Variants in MAN1B1 observed in about 807,000 individuals in gnomAD.
MAN1B1 encodes the protein endoplasmic reticulum mannosyl-oligosaccharide 1,2-alpha-mannosidase.
MAN1B1 carries 66 observed loss-of-function variants against 75.5 expected under a neutral mutation model. The ratio of observed to expected loss-of-function variants is 0.87; its 90% CI spans 0.72 to 1.07. MAN1B1 has a LOEUF of 1.07. Among genes scored for constraint, MAN1B1 ranks in the 50% least tolerant of loss-of-function variants. The pLI is 0.00. For missense variants in MAN1B1, 973 were observed against 912.5 expected, an observed-to-expected ratio of 1.07 and a Z score of -0.85; for synonymous variants, 453 against 382.8, an observed-to-expected ratio of 1.18 and a Z score of -2.14.
chr9:137,106,731 G>C lies in MAN1B1; in HGVS notation c.1488G>C (p.Thr496=), dbSNP rs761542723. 3 of 1,613,370 alleles carry C rather than the reference G, an allele frequency of 1.9e-6. No individual in the cohort carries two copies. The highest frequency in any genetic ancestry group is 2.5e-6 in the Non-Finnish European group (3 of 1,180,014). Reference sequence around the variant, plus strand: ...TGGAAGCCATCGAGGGTGTCAGAACGCACCTGCTGCGGCACTCCGAGCCCA... The same window carrying C: ...TGGAAGCCATCGAGGGTGTCAGAACCCACCTGCTGCGGCACTCCGAGCCCA... The part of the protein sequence containing the change: ...DYVEAIEGVR[T]HLLRHSEPSK... The change falls in exon 10 of 13, where the codon ACG becomes ACC. Residue 496 remains threonine (T), a synonymous_variant. Coordinates refer to ENST00000371589, the MANE Select transcript of MAN1B1 (RefSeq NM_016219.5).
At chr9:137,103,087 G>A (rs1299468387) in intron 8 of MAN1B1, 4 of 450,140 alleles carry the variant, frequency 8.9e-6, no homozygotes, top group Admixed American at 2.4e-5. Flanking sequence ...ACACTTGCAG[G>A]CGTGCAGGTC....
chr9:137,089,252 C>T, intron 3 of MAN1B1: 7 of 540,692 alleles, frequency 1.3e-5, no homozygotes, highest in Non-Finnish European at 2.3e-5. Flanking sequence ...TAAGACAGAC[C>T]TGTTTCCTCT....
intron 12 of MAN1B1, 114 bp from the exon 13 acceptor site, chr9:137,108,274 C>G (rs1831188701): frequency 1.0e-6 from 1 of 974,118 alleles, no homozygotes; most frequent in Non-Finnish European, 1.6e-6. Context: ...GCCCTCCACC[C>G]TGAGCTTGCG....
intron 8 of MAN1B1, chr9:137,105,885 G>C: frequency 1.5e-6 from 1 of 668,324 alleles, no homozygotes; most frequent in Non-Finnish European, 2.8e-6. Flanking sequence ...TCAGCTCTGT[G>C]GTGACCACCC....
intron 2 of MAN1B1, chr9:137,088,556 C>A: frequency 3.3e-6 from 3 of 904,982 alleles, no homozygotes; most frequent in Admixed American, 2.0e-5. Context: ...TCTCTTCTCA[C>A]TTGGTCTAAG....
At chr9:137,090,844 T>A (rs1830496144) in intron 3 of MAN1B1, among the ~76,000 whole-genome samples, 1 of 152,178 alleles carries the variant, frequency 6.6e-6, no homozygotes, top group African/African-American at 2.4e-5. Context: ...GCCCTTTGAT[T>A]TCTTTAACAA....
Position 137,099,806 on chromosome 9 carries a change from T to A in MAN1B1, c.841T>A (p.Phe281Ile). Residue 281 changes from phenylalanine (F) to isoleucine (I), a missense_variant, in exon 6 of 13, where the codon TTC (phenylalanine) becomes ATC (isoleucine). Coordinates refer to ENST00000371589, the MANE Select transcript of MAN1B1 (RefSeq NM_016219.5). ...CGAGCTGAAGCCTGTGTCCAGGTCC[T>A]TCAGTGAGTGGTTTGGCCTCGGTCT... The part of the protein sequence containing the change: ...HDELKPVSRS[F>I]SEWFGLGLTL... 1 of 1,614,236 alleles carries A rather than the reference T, an allele frequency of 6.2e-7. No homozygotes were observed. The highest frequency in any genetic ancestry group is 8.5e-7 in the Non-Finnish European group (1 of 1,180,042).
At position 137,096,315 on chromosome 9, in the gene MAN1B1, CAGG is replaced by C. The variant is rs761848331; in HGVS notation, c.551_553del (p.Glu184del). ...AAGCCAAGACCTGAAGGATGGGACC[CAGG>C]AGGAGGCCACAAAAAGGCAAGAAGC... On this transcript the variant is annotated inframe_deletion, in exon 4 of 13. Transcript: ENST00000371589. 2 of 1,613,974 alleles carry C rather than the reference CAGG, an allele frequency of 1.2e-6. No homozygotes were observed. Among genetic ancestry groups the C allele is most frequent in the East Asian group, 2.2e-5 (1 of 44,896 alleles).
chr9:137,102,891 C>T lies in MAN1B1; in HGVS notation c.1254+1219C>T, dbSNP rs765267549. ...GGTGTTACATTCATGCTGTTGCAGG[C>T]GTGCAGGTCAGTGGTGTTACACACA... On this transcript the variant is annotated intron_variant, in intron 8 of 12. Coordinates refer to ENST00000371589, the MANE Select transcript of MAN1B1 (RefSeq NM_016219.5). The T allele has an allele frequency of 1.0e-4, 32 of 306,244 alleles. 1 individual carries two copies. Among genetic ancestry groups the T allele is most frequent in the South Asian group, 5.0e-4 (23 of 46,146 alleles). 19.0% of individuals were successfully genotyped at this position (306,244 alleles called of 1,614,324 possible). A position where few individuals can be genotyped will look rare whatever the true frequency, so the allele number is the denominator to read the frequency against.
intron 10 of MAN1B1, 116 bp downstream of exon 10, chr9:137,106,925 C>T (rs1429676859): frequency 9.2e-6 from 13 of 1,412,028 alleles, no homozygotes; most frequent in Non-Finnish European, 1.2e-5. Flanking sequence ...CGTGGAGGCC[C>T]TGGGTGGACC....
intron 8 of MAN1B1, chr9:137,105,254 G>A (rs1831051571): frequency 6.5e-6 from 1 of 152,808 alleles, no homozygotes. Flanking sequence ...CCTCATGTTC[G>A]AGTCCCTGTT....
At chr9:137,088,473 A>G (rs1830438082) in intron 2 of MAN1B1, 1 of 1,486,432 alleles carries the variant, frequency 6.7e-7, no homozygotes, top group South Asian at 1.1e-5. Context: ...CTAAATAACC[A>G]CACAAATTTC....
At chr9:137,099,535 G>T (rs1156250712) in intron 5 of MAN1B1, among the ~76,000 whole-genome samples, 161 bp from the exon 6 acceptor site, 1 of 152,242 alleles carries the variant, frequency 6.6e-6, no homozygotes, top group Non-Finnish European at 1.5e-5. Context: ...AGCCTCTGTG[G>T]CCCTGGCCTT....
intron 5 of MAN1B1, among the ~76,000 whole-genome samples, chr9:137,099,107 G>A (rs909087839): frequency 6.6e-6 from 1 of 152,218 alleles, no homozygotes; most frequent in African/African-American, 2.4e-5. Context: ...TGGGATTACA[G>A]GCGGGAGCCA....
In MAN1B1 at chr9:137,106,366, G is replaced by T. The variant is rs1014954741; in HGVS notation, c.1445+51G>T. ...CTCCCGCGGCTCCCCCGTTCCCGCAGCCCCCCACTCCTGCTGCCCCCAGCT... is the reference window on the plus strand; with the variant it reads ...CTCCCGCGGCTCCCCCGTTCCCGCATCCCCCCACTCCTGCTGCCCCCAGCT... On this transcript the variant is annotated intron_variant, in intron 9 of 12. Coordinates refer to ENST00000371589, the MANE Select transcript of MAN1B1 (RefSeq NM_016219.5). 14 of 1,482,860 alleles carry T rather than the reference G, an allele frequency of 9.4e-6. No homozygotes were observed. In the African/African-American group the frequency reaches 1.7e-4, roughly 18 times the overall value. The allele number at this position is 1,482,860 out of a possible 1,614,324, so 91.9% of individuals were successfully genotyped here. A position where few individuals can be genotyped will look rare whatever the true frequency, so the allele number is the denominator to read the frequency against.
At chr9:137,089,208 G>T in intron 3 of MAN1B1, 4 of 673,106 alleles carry the variant, frequency 5.9e-6, no homozygotes, top group East Asian at 2.8e-5. Flanking sequence ...GCCATGGCCA[G>T]TTCCGGTTTT....
intron 2 of MAN1B1, 73 bp from the exon 3 acceptor site, chr9:137,088,796 G>T: frequency 6.5e-7 from 1 of 1,537,694 alleles, no homozygotes; most frequent in East Asian, 2.2e-5. Context: ...CCTGCCAAGT[G>T]TTTTTATAAA....
At chr9:137,094,059 G>A (rs1211015779) in intron 3 of MAN1B1, among the ~76,000 whole-genome samples, 1 of 149,346 alleles carries the variant, frequency 6.7e-6, no homozygotes, top group Admixed American at 6.7e-5. Context: ...CTGTTGCCCA[G>A]GCTGGAGTGC....
intron 8 of MAN1B1, chr9:137,103,212 C>T (rs1425694560): frequency 9.7e-5 from 40 of 410,506 alleles, no homozygotes; most frequent in East Asian, 3.1e-4. Flanking sequence ...GCGTGCAGGT[C>T]GGTGGTGTTA....
Sources: gnomAD v4.1 joint callset for allele counts (sites outside exome capture counted in the v4.1 genomes callset) on GRCh38, gnomAD v4.1.1 for gene constraint, MANE v1.5 for transcripts, NCBI Gene and HGNC (gene_info 2026-07-23, HGNC 2026-07-21) for gene names.